Variants in PDE4D observed in about 807,000 individuals in gnomAD.
The protein encoded by PDE4D is 3',5'-cyclic-AMP phosphodiesterase 4D.
Under a neutral mutation model 87.4 loss-of-function variants are expected in PDE4D, and 24 were observed. The observed-to-expected ratio is 0.27, with a 90% CI of 0.20 to 0.39. The LOEUF (loss-of-function observed/expected upper bound fraction) is 0.39. Ranked by LOEUF, PDE4D falls within the 10% of genes least tolerant of loss-of-function variation. PDE4D has a pLI of 1.00. For synonymous variants in PDE4D, 384 were observed against 383.2 expected, an observed-to-expected ratio of 1.00 and a Z score of -0.02; for missense variants, 714 against 1,041.0, an observed-to-expected ratio of 0.69 and a Z score of 4.32.
intron 1 of PDE4D, among the ~76,000 whole-genome samples, chr5:59,598,728 A>G (rs976414712): frequency 6.6e-6 from 1 of 152,108 alleles, no homozygotes; most frequent in African/African-American, 2.4e-5. Flanking sequence ...TAAAGGAGGA[A>G]GCCGTGAAGA....
chr5:59,628,336 T>C (rs757548050), intron 1 of PDE4D, among the ~76,000 whole-genome samples: 1 of 152,202 alleles, frequency 6.6e-6, no homozygotes, highest in Non-Finnish European at 1.5e-5. Context: ...CACTATTATA[T>C]CCTCATCTAT....
intron 1 of PDE4D, among the ~76,000 whole-genome samples, chr5:59,871,759 C>T (rs559379115): frequency 2.0e-5 from 3 of 152,258 alleles, no homozygotes; most frequent in South Asian, 4.1e-4. Flanking sequence ...TTTACTTCAT[C>T]TTTTGTCAAA....
chr5:60,055,205 C>A (rs1582415538), intron 2 of PDE4D, among the ~76,000 whole-genome samples: 1 of 151,736 alleles, frequency 6.6e-6, no homozygotes, highest in African/African-American at 2.4e-5. Flanking sequence ...TTATAGATTG[C>A]AAATATATAT....
At chr5:59,677,677 G>A (rs1748331038) in intron 1 of PDE4D, among the ~76,000 whole-genome samples, 1 of 152,198 alleles carries the variant, frequency 6.6e-6, no homozygotes, top group Admixed American at 6.5e-5. Flanking sequence ...ACAGCAGGAT[G>A]TGTACTGATG....
chr5:59,014,327 T>C (rs10067196), intron 6 of PDE4D, among the ~76,000 whole-genome samples: 15,788 of 152,052 alleles, frequency 0.1, 1,299 homozygotes, highest in East Asian at 0.48. Flanking sequence ...AAACAAAGGG[T>C]ATTCAATTAG....
At chr5:59,945,495 T>C (rs940269123) in intron 3 of PDE4D, among the ~76,000 whole-genome samples, 1 of 152,200 alleles carries the variant, frequency 6.6e-6, no homozygotes, top group Non-Finnish European at 1.5e-5. Context: ...TCTAGGATCT[T>C]TTAATCTGAA....
chr5:59,704,414 A>T (rs1193011894), intron 1 of PDE4D, among the ~76,000 whole-genome samples: 2 of 152,146 alleles, frequency 1.3e-5, no homozygotes, highest in African/African-American at 4.8e-5. Flanking sequence ...CATATCTCAA[A>T]TCACTAATCT....
At chr5:60,154,464 C>T (rs1442501010) in intron 2 of PDE4D, among the ~76,000 whole-genome samples, 6 of 152,074 alleles carry the variant, frequency 3.9e-5, no homozygotes, top group Non-Finnish European at 7.4e-5. Flanking sequence ...TTAGTAGAGA[C>T]GGGGTTGCAC....
chr5:59,834,761 G>A (rs979175817), intron 1 of PDE4D, among the ~76,000 whole-genome samples: 11 of 152,024 alleles, frequency 7.2e-5, no homozygotes, highest in African/African-American at 2.4e-4. Flanking sequence ...GTCACTAATA[G>A]CTTGTAATTA....
At chr5:59,666,548 C>T (rs1322716196) in intron 1 of PDE4D, among the ~76,000 whole-genome samples, 3 of 152,184 alleles carry the variant, frequency 2.0e-5, no homozygotes, top group Non-Finnish European at 4.4e-5. Context: ...CCTGCCTAAG[C>T]AGGTTTTTAA....
chr5:59,846,409 CG>C (rs1743857230), intron 1 of PDE4D, among the ~76,000 whole-genome samples: 1 of 151,984 alleles, frequency 6.6e-6, no homozygotes, highest in Non-Finnish European at 1.5e-5. Flanking sequence ...AAAAACCACC[CG>C]GGATGCTTGT....
chr5:59,330,551 C>T (rs899943732), intron 1 of PDE4D, among the ~76,000 whole-genome samples: 4 of 152,160 alleles, frequency 2.6e-5, no homozygotes, highest in Non-Finnish European at 1.5e-5. Context: ...CACATACATT[C>T]AAATCACCAA....
At chr5:60,036,640 A>G (rs902885884) in intron 2 of PDE4D, among the ~76,000 whole-genome samples, 11 of 152,260 alleles carry the variant, frequency 7.2e-5, no homozygotes, top group African/African-American at 2.7e-4. Flanking sequence ...AAAAAAATTA[A>G]TAAGTCCTGA....
chr5:60,215,651 A>T (rs1743776452), intron 1 of PDE4D, among the ~76,000 whole-genome samples: 1 of 152,154 alleles, frequency 6.6e-6, no homozygotes, highest in Non-Finnish European at 1.5e-5. Flanking sequence ...TCTACTTCTT[A>T]AAGTGTGATC....
At chr5:59,721,262 T>A (rs1219818917) in intron 1 of PDE4D, among the ~76,000 whole-genome samples, 1 of 152,198 alleles carries the variant, frequency 6.6e-6, no homozygotes, top group Non-Finnish European at 1.5e-5. Flanking sequence ...TGTGTATTAT[T>A]ATTTCTCTTC....
intron 1 of PDE4D, among the ~76,000 whole-genome samples, chr5:59,865,155 G>A (rs1746832061): frequency 6.6e-6 from 1 of 152,170 alleles, no homozygotes; most frequent in African/African-American, 2.4e-5. Flanking sequence ...AAATAAAGGA[G>A]AACATCTGAT....
chr5:59,827,157 G>A (rs906202353), intron 1 of PDE4D, among the ~76,000 whole-genome samples: 7 of 151,946 alleles, frequency 4.6e-5, no homozygotes, highest in Non-Finnish European at 5.9e-5. Flanking sequence ...CAATGAACAC[G>A]AGATAGAAAA....
chr5:59,232,362 TG>T (rs1263849969), intron 1 of PDE4D, among the ~76,000 whole-genome samples: 1 of 151,542 alleles, frequency 6.6e-6, no homozygotes, highest in Non-Finnish European at 1.5e-5. Context: ...CATCAAAAAG[TG>T]GACAAAGGAC....
intron 1 of PDE4D, among the ~76,000 whole-genome samples, chr5:60,255,139 G>T (rs1013563627): frequency 1.3e-5 from 2 of 151,966 alleles, no homozygotes; most frequent in Middle Eastern, 3.4e-3. Context: ...GACTATCATT[G>T]TTCAACCCAT....
Sources: allele counts gnomAD v4.1 joint callset (sites outside exome capture counted in the v4.1 genomes callset), GRCh38; gene constraint gnomAD v4.1.1; transcripts MANE v1.5; gene names NCBI Gene and HGNC (gene_info 2026-07-23, HGNC 2026-07-21).